TMEM132D: variants seen among roughly 807,000 people sequenced by gnomAD.
TMEM132D encodes the protein transmembrane protein 132D.
Under a neutral mutation model 62.3 loss-of-function variants are expected in TMEM132D, and 21 were observed. The ratio of observed to expected loss-of-function variants is 0.34; its 90% CI spans 0.24 to 0.49. The LOEUF (loss-of-function observed/expected upper bound fraction) is 0.49. Among genes scored for constraint, TMEM132D ranks in the 20% least tolerant of loss-of-function variants. The pLI is 0.99. For missense variants in TMEM132D, 1,346 were observed against 1,402.8 expected (o/e 0.96, Z 0.65); for synonymous variants, 621 against 575.6 (o/e 1.08, Z -1.13).
chr12:129,447,264 A>C (rs182089703), intron 3 of TMEM132D, among the ~76,000 whole-genome samples: 1 of 152,198 alleles, frequency 6.6e-6, no homozygotes, highest in Non-Finnish European at 1.5e-5. Flanking sequence ...TGTCTAGGTC[A>C]GTCTTCTCAC....
At chr12:129,634,023 A>G (rs554188915) in intron 2 of TMEM132D, among the ~76,000 whole-genome samples, 104 of 152,228 alleles carry the variant, frequency 6.8e-4, no homozygotes, top group African/African-American at 2.4e-3. Flanking sequence ...AGCTTTGCTG[A>G]GACTATTATG....
At chr12:129,196,817 C>CA (rs1309204787) in intron 5 of TMEM132D, among the ~76,000 whole-genome samples, 1 of 152,124 alleles carries the variant, frequency 6.6e-6, no homozygotes, top group African/African-American at 2.4e-5. Context: ...TTGATATATA[C>CA]AATCTCACCT....
At chr12:129,080,706 G>A (rs945774892) in intron 7 of TMEM132D, among the ~76,000 whole-genome samples, 8 of 152,156 alleles carry the variant, frequency 5.3e-5, no homozygotes, top group Non-Finnish European at 8.8e-5. Context: ...CTATTTGGGT[G>A]ATGGCTACAC....
At chr12:129,126,995 C>T (rs929673950) in intron 5 of TMEM132D, among the ~76,000 whole-genome samples, 10 of 152,188 alleles carry the variant, frequency 6.6e-5, no homozygotes, top group African/African-American at 1.2e-4. Context: ...GAGACAAGGA[C>T]GCAGTCTGAA....
At chr12:129,186,533 G>A (rs571317335) in intron 5 of TMEM132D, among the ~76,000 whole-genome samples, 1 of 151,982 alleles carries the variant, frequency 6.6e-6, no homozygotes, top group African/African-American at 2.4e-5. Flanking sequence ...TCCTTCCTTT[G>A]CCTCCTGGGT....
At chr12:129,777,082 G>C (rs147192358) in intron 1 of TMEM132D, among the ~76,000 whole-genome samples, 16 of 152,304 alleles carry the variant, frequency 1.1e-4, no homozygotes, top group African/African-American at 2.9e-4. Flanking sequence ...TAGCAGCTGG[G>C]TCTATAAATT....
intron 3 of TMEM132D, among the ~76,000 whole-genome samples, chr12:129,507,368 C>A (rs1261765309): frequency 6.6e-6 from 1 of 152,066 alleles, no homozygotes; most frequent in East Asian, 1.9e-4. Context: ...GGATATCTAT[C>A]CAGAAGAAAA....
intron 3 of TMEM132D, among the ~76,000 whole-genome samples, chr12:129,417,052 G>T (rs1408306664): frequency 1.3e-5 from 2 of 152,138 alleles, no homozygotes; most frequent in African/African-American, 4.8e-5. Flanking sequence ...TCAGAATGAT[G>T]CTGGCTTCAT....
At chr12:129,480,231 AGGGGTGCAG>A (rs1157942843) in intron 3 of TMEM132D, among the ~76,000 whole-genome samples, 2 of 152,220 alleles carry the variant, frequency 1.3e-5, no homozygotes, top group Non-Finnish European at 2.9e-5. Flanking sequence ...GGAGCTGCAG[AGGGGTGCAG>A]GGGGTGCAGA....
intron 4 of TMEM132D, among the ~76,000 whole-genome samples, chr12:129,322,386 C>A (rs914037888): frequency 6.6e-6 from 1 of 151,302 alleles, no homozygotes; most frequent in Non-Finnish European, 1.5e-5. Context: ...GCAAAATGGC[C>A]ATGCCATGAT....
At chr12:129,128,482 T>A (rs1876280461) in intron 5 of TMEM132D, among the ~76,000 whole-genome samples, 1 of 152,132 alleles carries the variant, frequency 6.6e-6, no homozygotes, top group South Asian at 2.1e-4. Flanking sequence ...CAAGATCTCA[T>A]GAGAACTCAC....
At position 129,750,876 on chromosome 12, in the gene TMEM132D, G is replaced by GA. The variant is rs553506058; in HGVS notation, c.80-50179dup. Among the ~76,000 whole-genome samples the GA allele has an allele frequency of 8.4e-3, 1,285 of 152,220 alleles. 11 individuals are homozygous for GA. Among genetic ancestry groups the GA allele is most frequent in the South Asian group, 0.016 (75 of 4,824 alleles). ...AAAAAAAATAAATGTTTAAGCCAAT[G>GA]AAAATGATCATCACACAATGTATAC... On this transcript the variant is annotated intron_variant, in intron 1 of 8. Coordinates refer to ENST00000422113, the MANE Select transcript of TMEM132D (RefSeq NM_133448.3).
At chr12:129,717,634 C>T (rs1004226334) in intron 1 of TMEM132D, among the ~76,000 whole-genome samples, 18 of 149,614 alleles carry the variant, frequency 1.2e-4, no homozygotes, top group Non-Finnish European at 1.8e-4. Flanking sequence ...AGAAATGTGT[C>T]CAGTGTGATT....
intron 2 of TMEM132D, among the ~76,000 whole-genome samples, chr12:129,562,350 A>G (rs1019153219): frequency 1.2e-4 from 19 of 152,192 alleles, no homozygotes; most frequent in Admixed American, 1.1e-3. Context: ...CTGCAGACCA[A>G]GTTACCCAGC....
intron 3 of TMEM132D, among the ~76,000 whole-genome samples, chr12:129,411,327 T>C (rs982417458): frequency 6.6e-6 from 1 of 152,196 alleles, no homozygotes; most frequent in African/African-American, 2.4e-5. Flanking sequence ...AGTAAACTAC[T>C]CTGCTTTAGT....
chr12:129,234,917 T>C (rs984374032), intron 4 of TMEM132D, among the ~76,000 whole-genome samples: 7 of 152,182 alleles, frequency 4.6e-5, no homozygotes, highest in African/African-American at 1.7e-4. Context: ...TTAAACATGC[T>C]CAATAATTAG....
intron 5 of TMEM132D, among the ~76,000 whole-genome samples, chr12:129,158,298 G>A (rs954411703): frequency 4.6e-5 from 7 of 152,182 alleles, no homozygotes; most frequent in Non-Finnish European, 8.8e-5. Flanking sequence ...TTGCAGGGGA[G>A]AGGAGGCAAA....
rs189471531 is a variant in TMEM132D at position 129,497,680 on chromosome 12, T to A, written c.1115+33379A>T. On this transcript the variant is annotated intron_variant, in intron 3 of 8. Transcript: ENST00000422113. ...GTTATTTGATTTTGTTTTTTTTTTTTAAACAGGGTCTTGCTCTTGTCAAGG... is the reference window on the plus strand; with the variant it reads ...GTTATTTGATTTTGTTTTTTTTTTTAAAACAGGGTCTTGCTCTTGTCAAGG... Among the ~76,000 whole-genome samples the A allele has an allele frequency of 9.1e-3, 1,383 of 152,166 alleles. 18 individuals carry two copies. The highest frequency in any genetic ancestry group is 0.031 in the African/African-American group (1,289 of 41,522).
At chr12:129,243,483 G>T (rs1342478639) in intron 4 of TMEM132D, among the ~76,000 whole-genome samples, 3 of 152,170 alleles carry the variant, frequency 2.0e-5, no homozygotes, top group Non-Finnish European at 4.4e-5. Flanking sequence ...AGCTCTGGGG[G>T]TGCAGAGTCC....
Sources: gnomAD v4.1 joint callset for allele counts (sites outside exome capture counted in the v4.1 genomes callset) on GRCh38, gnomAD v4.1.1 for gene constraint, MANE v1.5 for transcripts, NCBI Gene and HGNC (gene_info 2026-07-23, HGNC 2026-07-21) for gene names.